Variants in TMEM178B observed in about 807,000 individuals in gnomAD.
The protein encoded by TMEM178B is transmembrane protein 178B.
TMEM178B carries 5 observed loss-of-function variants against 31.0 expected under a neutral mutation model. The observed-to-expected ratio is 0.16, with a 90% CI of 0.08 to 0.34. The LOEUF (loss-of-function observed/expected upper bound fraction) is 0.34. Ranked by LOEUF, TMEM178B falls within the 10% of genes least tolerant of loss-of-function variation. TMEM178B has a pLI of 1.00. For synonymous variants in TMEM178B, 164 were observed against 164.0 expected, an observed-to-expected ratio of 1.00 and a Z score of 0.00; for missense variants, 275 against 400.3, an observed-to-expected ratio of 0.69 and a Z score of 2.67.
At chr7:141,508,202 A>C in the TMEM178B span, among the ~76,000 whole-genome samples, 1 of 152,254 alleles carries the variant, frequency 6.6e-6, no homozygotes, top group Non-Finnish European at 1.5e-5. Context: ...CAAGTTCAAA[A>C]TTCCACAAAT....
chr7:141,370,062 G>T (rs1005553278), intron 2 of TMEM178B, among the ~76,000 whole-genome samples: 1 of 152,196 alleles, frequency 6.6e-6, no homozygotes. Context: ...GGCAAGGGGG[G>T]CCTGCCCCAG....
chr7:141,470,065 G>C (rs924654203), intron 3 of TMEM178B, among the ~76,000 whole-genome samples: 1 of 152,182 alleles, frequency 6.6e-6, no homozygotes, highest in Non-Finnish European at 1.5e-5. Flanking sequence ...CAGATTAAAG[G>C]AAAACCTAAT....
intron 1 of TMEM178B, among the ~76,000 whole-genome samples, chr7:141,196,464 T>C (rs571708163): frequency 3.3e-5 from 5 of 152,352 alleles, no homozygotes; most frequent in Non-Finnish European, 7.3e-5. Context: ...CTATTTCCCC[T>C]GTCTTTACCA....
At chr7:141,257,487 G>GA (rs1797946099) in intron 2 of TMEM178B, among the ~76,000 whole-genome samples, 2 of 152,328 alleles carry the variant, frequency 1.3e-5, no homozygotes, top group South Asian at 2.1e-4. Flanking sequence ...AATATGTGGG[G>GA]ATTCCACAGT....
chr7:141,158,960 G>A (rs1035155999), intron 1 of TMEM178B, among the ~76,000 whole-genome samples: 4 of 152,188 alleles, frequency 2.6e-5, no homozygotes, highest in Admixed American at 6.5e-5. Flanking sequence ...AGAGGACAAG[G>A]GAAATGAGGA....
intron 1 of TMEM178B, among the ~76,000 whole-genome samples, chr7:141,202,488 G>T (rs531445872): frequency 6.6e-6 from 1 of 152,222 alleles, no homozygotes; most frequent in Non-Finnish European, 1.5e-5. Context: ...TAAATATTTA[G>T]AACTCAGTCT....
At chr7:141,365,777 A>G (rs1799993600) in intron 2 of TMEM178B, among the ~76,000 whole-genome samples, 1 of 152,224 alleles carries the variant, frequency 6.6e-6, no homozygotes, top group Non-Finnish European at 1.5e-5. Flanking sequence ...TTAAGGGCCT[A>G]CACAACTCTA....
intron 1 of TMEM178B, among the ~76,000 whole-genome samples, chr7:141,182,977 C>T (rs1248574506): frequency 6.6e-6 from 1 of 152,182 alleles, no homozygotes; most frequent in Non-Finnish European, 1.5e-5. Flanking sequence ...GAATAGTCAA[C>T]ATGTTGAAAT....
At chr7:141,365,993 C>T (rs1799997404) in intron 2 of TMEM178B, among the ~76,000 whole-genome samples, 1 of 152,180 alleles carries the variant, frequency 6.6e-6, no homozygotes, top group Non-Finnish European at 1.5e-5. Context: ...TTTTGTCTGC[C>T]TCTCCCATCT....
intron 1 of TMEM178B, among the ~76,000 whole-genome samples, chr7:141,136,024 A>G (rs1795670448): frequency 6.6e-6 from 1 of 152,118 alleles, no homozygotes; most frequent in South Asian, 2.1e-4. Context: ...GAAAAAGGAG[A>G]TGTCCTAGAA....
chr7:141,144,143 G>A (rs1253828546), intron 1 of TMEM178B, among the ~76,000 whole-genome samples: 2 of 152,114 alleles, frequency 1.3e-5, no homozygotes, highest in Non-Finnish European at 2.9e-5. Context: ...GATTTTCTAG[G>A]TATAGAATCA....
intron 3 of TMEM178B, among the ~76,000 whole-genome samples, chr7:141,455,653 A>G (rs1450587150): frequency 6.6e-6 from 1 of 152,268 alleles, no homozygotes; most frequent in East Asian, 1.9e-4. Flanking sequence ...TTCGAGGATT[A>G]AAAGAGTTAA....
Position 141,475,842 on chromosome 7 carries a change from G to T in TMEM178B, c.*5056G>T, listed in dbSNP as rs1266453089. Reference sequence around the variant, plus strand: ...ATCTAATCATAGATGTAAGAATGCGGAAGCCAGAGTAACTCACTCATTAAG... The same window carrying T: ...ATCTAATCATAGATGTAAGAATGCGTAAGCCAGAGTAACTCACTCATTAAG... On this transcript the variant is annotated 3_prime_UTR_variant, in exon 4 of 4. Coordinates refer to ENST00000565468, the MANE Select transcript of TMEM178B (RefSeq NM_001195278.2). The T allele has an allele frequency of 6.6e-6, 1 of 151,874 alleles. No homozygotes were observed. The highest frequency in any genetic ancestry group is 1.5e-5 in the Non-Finnish European group (1 of 67,992). The allele number at this position is 151,874 out of a possible 1,614,324, so 9.4% of individuals were successfully genotyped here.
intron 2 of TMEM178B, among the ~76,000 whole-genome samples, chr7:141,302,282 C>A (rs1228729589): frequency 6.6e-6 from 1 of 152,182 alleles, no homozygotes; most frequent in African/African-American, 2.4e-5. Context: ...ATGATGCATG[C>A]TCCAACATGG....
intron 1 of TMEM178B, among the ~76,000 whole-genome samples, chr7:141,147,561 G>A (rs1795874732): frequency 6.6e-6 from 1 of 152,214 alleles, no homozygotes; most frequent in Non-Finnish European, 1.5e-5. Flanking sequence ...GCGATGAAGA[G>A]GGTTGTGATG....
chr7:141,464,141 A>T lies in TMEM178B; in HGVS notation c.635-6395A>T, dbSNP rs116582065. ...GCGAGCATGCCGTCTTACCGCAGGCACAGAGCCCTAGGACAATGGGGCACT... is the reference window on the plus strand; with the variant it reads ...GCGAGCATGCCGTCTTACCGCAGGCTCAGAGCCCTAGGACAATGGGGCACT... On this transcript the variant is annotated intron_variant, in intron 3 of 3. Transcript: ENST00000565468. 4.3e-3 allele frequency among the ~76,000 whole-genome samples: 651 copies of T among 152,222 alleles called. 10 individuals are homozygous for T. The highest frequency in any genetic ancestry group is 0.015 in the African/African-American group (625 of 41,530).
intron 2 of TMEM178B, among the ~76,000 whole-genome samples, chr7:141,407,732 A>T (rs1177747041): frequency 6.6e-6 from 1 of 152,170 alleles, no homozygotes; most frequent in Non-Finnish European, 1.5e-5. Context: ...ACCCAATCTG[A>T]TGCCCGAACC....
chr7:141,444,961 C>G (rs76990943), intron 3 of TMEM178B, among the ~76,000 whole-genome samples: 3,381 of 152,216 alleles, frequency 0.022, 55 homozygotes, highest in Non-Finnish European at 0.033. Context: ...CCTCCTTTCA[C>G]AAAGCACAAA....
intron 2 of TMEM178B, among the ~76,000 whole-genome samples, chr7:141,369,946 A>AT (rs1192309364): frequency 6.6e-6 from 1 of 152,214 alleles, no homozygotes; most frequent in Non-Finnish European, 1.5e-5. Context: ...CAAGGAAAAA[A>AT]TTGCTGCTTA....
Sources: gnomAD v4.1 joint callset for allele counts (sites outside exome capture counted in the v4.1 genomes callset) on GRCh38, gnomAD v4.1.1 for gene constraint, MANE v1.5 for transcripts, NCBI Gene and HGNC (gene_info 2026-07-23, HGNC 2026-07-21) for gene names.